ZNF518A: variants seen among roughly 807,000 people sequenced by gnomAD.
ZNF518A encodes zinc finger protein 518A.
Under a neutral mutation model 102.7 loss-of-function variants are expected in ZNF518A, and 47 were observed. The observed-to-expected ratio is 0.46, with a 90% CI of 0.36 to 0.58. The LOEUF (loss-of-function observed/expected upper bound fraction) is 0.58. Ranked by LOEUF, ZNF518A falls within the 20% of genes least tolerant of loss-of-function variation. The pLI is 0.00. For missense variants in ZNF518A, 1,793 were observed against 1,699.8 expected (o/e 1.05, Z -0.96); for synonymous variants, 652 against 594.6 (o/e 1.10, Z -1.40).
At chr10:96,164,243 T>A (rs1554889559), downstream of ZNF518A, among the ~76,000 whole-genome samples, 2 of 152,224 alleles carry the variant, frequency 1.3e-5, no homozygotes, top group Non-Finnish European at 2.9e-5. Flanking sequence ...CTTGATTTTT[T>A]AAAAATAAGA....
downstream of ZNF518A, among the ~76,000 whole-genome samples, chr10:96,166,450 C>G (rs1554890357): frequency 6.6e-6 from 1 of 152,050 alleles, no homozygotes; most frequent in Admixed American, 6.6e-5. Flanking sequence ...CCAGGTCATT[C>G]CAATAGATAA....
Position 96,160,465 on chromosome 10 carries a change from A to T in ZNF518A, c.4143A>T (p.Lys1381Asn). 6.2e-7 allele frequency: 1 copy of T among 1,613,362 alleles called. No homozygotes were observed. The highest frequency in any genetic ancestry group is 8.5e-7 in the Non-Finnish European group (1 of 1,179,584). Residue 1381 changes from lysine (K) to asparagine (N), a missense_variant, in exon 6 of 6, where the codon AAA (lysine) becomes AAT (asparagine). Lys to Asn is a moderately conservative substitution (Grantham distance 94, BLOSUM62 0). Coordinates refer to ENST00000316045, the MANE Select transcript of ZNF518A (RefSeq NM_001330736.2). ...NGHVLKVSLS[K>N]RTINALLKPV... ...ATGTACTTAAGGTTTCATTGTCAAA[A>T]AGAACTATAAATGCTTTACTGAAAC...
chr10:96,165,363 C>T (rs959650368), downstream of ZNF518A, among the ~76,000 whole-genome samples: 1 of 151,900 alleles, frequency 6.6e-6, no homozygotes, highest in South Asian at 2.1e-4. Flanking sequence ...CTGCCTTGGC[C>T]TCCCAAAGTC....
chr10:96,134,599 AGTAAT>A (rs1256880976), intron 3 of ZNF518A, among the ~76,000 whole-genome samples: 9 of 152,340 alleles, frequency 5.9e-5, no homozygotes, highest in South Asian at 2.1e-4. Flanking sequence ...ACTCAGAAAA[AGTAAT>A]GTAATGAAGA....
At chr10:96,171,022 C>CT (rs1211573942) in intron 1 of ZNF518A, among the ~76,000 whole-genome samples, 3 of 149,594 alleles carry the variant, frequency 2.0e-5, no homozygotes, top group South Asian at 2.1e-4. Flanking sequence ...TGAGATACCA[C>CT]TAAAAAAAAA....
At chr10:96,196,785 A>G (rs2083477188) in intron 1 of ZNF518A, 3 of 944,352 alleles carry the variant, frequency 3.2e-6, no homozygotes, top group Non-Finnish European at 4.9e-6. Context: ...TATGACATTT[A>G]TGCAAGCATT....
intron 3 of ZNF518A, among the ~76,000 whole-genome samples, chr10:96,139,410 T>C (rs949157054): frequency 6.6e-6 from 1 of 152,116 alleles, no homozygotes; most frequent in Non-Finnish European, 1.5e-5. Context: ...AGAGTCCTTA[T>C]GAATGGAATT....
At chr10:96,175,328 A>G (rs1322939438) in intron 1 of ZNF518A, among the ~76,000 whole-genome samples, 1 of 152,236 alleles carries the variant, frequency 6.6e-6, no homozygotes, top group African/African-American at 2.4e-5. Context: ...GGGGCAATTC[A>G]TGCCTTACAT....
At position 96,159,542 on chromosome 10, in the gene ZNF518A, A is replaced by G. The variant is rs2082892051; in HGVS notation, c.3220A>G (p.Thr1074Ala). 2 of 1,613,796 alleles carry G rather than the reference A, an allele frequency of 1.2e-6. No individual in the cohort carries two copies. The highest frequency in any genetic ancestry group is 1.7e-6 in the Non-Finnish European group (2 of 1,179,820). The part of the protein sequence containing the change: ...IPNMLSEQQS[T>A]KLNISDSVKQ... ...TAACATGCTATCTGAGCAACAGAGC[A>G]CTAAGTTGAATATCTCCGATTCAGT... Residue 1074 changes from threonine (T) to alanine (A), a missense_variant, in exon 6 of 6, where the codon ACT (threonine) becomes GCT (alanine). Thr to Ala is a moderately conservative substitution (Grantham distance 58). This residue lies in a region of ZNF518A where 1,741 missense variants were observed against 1,622.6 expected (regional missense o/e 1.07). Transcript: ENST00000316045.
At chr10:96,154,788 C>G (rs1332608861) in intron 3 of ZNF518A, among the ~76,000 whole-genome samples, 4 of 152,104 alleles carry the variant, frequency 2.6e-5, no homozygotes, top group African/African-American at 9.7e-5. Context: ...ACATCCCATT[C>G]TGGATTCACA....
chr10:96,178,561 A>G (rs1339367140), intron 1 of ZNF518A, among the ~76,000 whole-genome samples: 3 of 152,074 alleles, frequency 2.0e-5, no homozygotes, highest in Non-Finnish European at 2.9e-5. Context: ...AAGAAGAGCA[A>G]ATTAAACCTA....
downstream of ZNF518A, chr10:96,204,657 G>T: frequency 6.3e-7 from 1 of 1,596,258 alleles, no homozygotes; most frequent in East Asian, 2.2e-5. Flanking sequence ...AGAGTGAAAT[G>T]TCTGTCCTCA....
chr10:96,153,240 C>T (rs1554880977), intron 3 of ZNF518A, among the ~76,000 whole-genome samples: 1 of 152,072 alleles, frequency 6.6e-6, no homozygotes, highest in East Asian at 1.9e-4. Context: ...CTTTTTTGTT[C>T]TGTCAAGGCC....
At chr10:96,148,308 C>T (rs1275056185) in intron 3 of ZNF518A, among the ~76,000 whole-genome samples, 1 of 152,070 alleles carries the variant, frequency 6.6e-6, no homozygotes, top group Non-Finnish European at 1.5e-5. Flanking sequence ...GGTGTGGTGG[C>T]ACATGCCTAT....
At position 96,138,677 on chromosome 10, in the gene ZNF518A, C is replaced by T. The variant is rs945134774; in HGVS notation, c.-302+5029C>T. ...TAAATAATCAGTAAAATGTTACCTC[C>T]GTGAGGGGAGGGATTTTTGTCTGTT... On this transcript the variant is annotated intron_variant, in intron 3 of 5. Transcript: ENST00000316045. Among the ~76,000 whole-genome samples, 8 of 152,066 alleles carry T rather than the reference C, an allele frequency of 5.3e-5. No homozygotes were observed. The East Asian group carries it at 9.6e-4, about 18-fold the overall frequency.
chr10:96,185,575 G>GGTCTGCTGGA (rs2083267002), intron 1 of ZNF518A, among the ~76,000 whole-genome samples: 1 of 152,168 alleles, frequency 6.6e-6, no homozygotes, highest in African/African-American at 2.4e-5. Context: ...CTCAGCTGCT[G>GGTCTGCTGGA]GTCTGCTGGA....
intron 3 of ZNF518A, among the ~76,000 whole-genome samples, chr10:96,136,203 C>A (rs1554874338): frequency 6.6e-6 from 1 of 151,788 alleles, no homozygotes; most frequent in African/African-American, 2.4e-5. Flanking sequence ...CATATAATTT[C>A]ATTTTTGTAT....
At position 96,157,176 on chromosome 10, in the gene ZNF518A, A is replaced by G; in HGVS notation, c.854A>G (p.His285Arg). The G allele has an allele frequency of 6.2e-7, 1 of 1,613,036 alleles. No individual in the cohort carries two copies. Among genetic ancestry groups the G allele is most frequent in the East Asian group, 2.2e-5 (1 of 44,864 alleles). Residue 285 changes from histidine (H) to arginine (R), a missense_variant, in exon 6 of 6, where the codon CAC becomes CGC. Physicochemically the swap from His to Arg is conservative, Grantham distance 29. This residue lies in a region of ZNF518A where 1,741 missense variants were observed against 1,622.6 expected (regional missense o/e 1.07). Transcript: ENST00000316045. ...EHLVRHVITL[H>R]KEHLYAKEKL... ...CTTGTAAGACATGTTATAACTTTGCACAAAGAACATTTATATGCAAAAGAA... is the reference window on the plus strand; with the variant it reads ...CTTGTAAGACATGTTATAACTTTGCGCAAAGAACATTTATATGCAAAAGAA...
chr10:96,145,692 G>A (rs781961877), intron 3 of ZNF518A, among the ~76,000 whole-genome samples: 2 of 152,164 alleles, frequency 1.3e-5, no homozygotes, highest in Non-Finnish European at 2.9e-5. Context: ...TTCACCTTTA[G>A]TGTCAACATT....
Sources: gnomAD v4.1 joint callset for allele counts (sites outside exome capture counted in the v4.1 genomes callset) on GRCh38, gnomAD v4.1.1 for gene constraint, gnomAD v4.1.1 regional missense constraint, MANE v1.5 for transcripts, NCBI Gene and HGNC (gene_info 2026-07-23, HGNC 2026-07-21) for gene names.